Variants in LAMC1 observed in about 807,000 individuals in gnomAD.
LAMC1 encodes the protein laminin subunit gamma-1.
In LAMC1, 38 loss-of-function variants were observed where a neutral mutation model predicts 173.6. The observed-to-expected ratio is 0.22, with a 90% CI of 0.17 to 0.29. The LOEUF is 0.29. Ranked by LOEUF, LAMC1 falls within the 10% of genes least tolerant of loss-of-function variation. The probability of loss-of-function intolerance (pLI) is 1.00; values close to 1 mark genes in which losing one functional copy is unlikely to be tolerated. For synonymous variants in LAMC1, 746 were observed against 749.1 expected (o/e 1.00, Z 0.07); for missense variants, 1,824 against 2,051.8 (o/e 0.89, Z 2.14).
chr1:183,124,540 G>A, intron 13 of LAMC1, 91 bp from the exon 14 acceptor site: 1 of 1,459,538 alleles, frequency 6.9e-7, no homozygotes, highest in Non-Finnish European at 9.4e-7. Flanking sequence ...CTCATGTGAT[G>A]ATTACACTAG....
chr1:183,132,632 T>C (rs1656829127), intron 21 of LAMC1, 95 bp downstream of exon 21: 3 of 921,964 alleles, frequency 3.3e-6, no homozygotes, highest in Non-Finnish European at 5.1e-6. Flanking sequence ...ATTCAGGGCA[T>C]ACATTCATGC....
chr1:183,140,253 A>C (rs1008883549), intron 26 of LAMC1, 151 bp from the exon 27 acceptor site: 1 of 426,542 alleles, frequency 2.3e-6, no homozygotes, highest in African/African-American at 2.0e-5. Flanking sequence ...ACCAAAAAAA[A>C]AAAAAAAAAA....
intron 1 of LAMC1, among the ~76,000 whole-genome samples, chr1:183,092,129 T>C (rs1655581369): frequency 6.6e-6 from 1 of 152,170 alleles, no homozygotes; most frequent in Admixed American, 6.5e-5. Context: ...GTGTGTGTCT[T>C]AAAGAAGACT....
At chr1:183,080,752 G>A (rs1249551234) in intron 1 of LAMC1, among the ~76,000 whole-genome samples, 5 of 151,394 alleles carry the variant, frequency 3.3e-5, no homozygotes, top group African/African-American at 9.7e-5. Flanking sequence ...GTTAGACTGT[G>A]TGGTAAGGTT....
Position 183,130,389 on chromosome 1 carries a change from C to G in LAMC1, c.3326C>G (p.Thr1109Ser). Residue 1109 changes from threonine to serine, a missense_variant, in exon 19 of 28, where the codon ACT becomes AGT. Transcript: ENST00000258341. ...GATCGCCTACAGAGAGTGAATAACACTCTGTCCAGCCAAATTAGCCGTTTA... is the reference window on the plus strand; with the variant it reads ...GATCGCCTACAGAGAGTGAATAACAGTCTGTCCAGCCAAATTAGCCGTTTA... ...LMDRLQRVNN[T>S]LSSQISRLQN... 1.2e-6 allele frequency: 2 copies of G among 1,614,190 alleles called. No individual in the cohort carries two copies. Among genetic ancestry groups the G allele is most frequent in the Non-Finnish European group, 1.7e-6 (2 of 1,180,032 alleles).
intron 13 of LAMC1, among the ~76,000 whole-genome samples, chr1:183,123,063 G>C (rs1656523937): frequency 6.6e-6 from 1 of 152,186 alleles, no homozygotes; most frequent in Admixed American, 6.5e-5. Context: ...ACAAATCCAA[G>C]TTAAATATTT....
rs372861708 is a variant in LAMC1 at position 183,135,269 on chromosome 1, T to C, written c.4114+113T>C. 1,205 of 662,854 alleles carry C rather than the reference T, an allele frequency of 1.8e-3. 22 individuals carry two copies. In the South Asian group the frequency reaches 0.021, roughly 12 times the overall value. 41.1% of individuals were successfully genotyped at this position (662,854 alleles called of 1,614,324 possible). ...TTCATCCCCAACTCCCTACTTTTTT[T>C]ATGCTAAAGTATTTCAAAGGGAAAT... On this transcript the variant is annotated intron_variant, in intron 24 of 27. Coordinates refer to ENST00000258341, the MANE Select transcript of LAMC1 (RefSeq NM_002293.4).
At chr1:183,026,080 A>G (rs1007698019) in intron 1 of LAMC1, among the ~76,000 whole-genome samples, 4 of 152,252 alleles carry the variant, frequency 2.6e-5, no homozygotes, top group Admixed American at 6.5e-5. Context: ...GTTTACCTCT[A>G]ACATCACTTT....
chr1:183,141,423 G>A (rs1243220861), intron 27 of LAMC1: 2 of 152,240 alleles, frequency 1.3e-5, no homozygotes, highest in East Asian at 3.8e-4. Flanking sequence ...TGCCAAAAGA[G>A]AGAAAAACCT....
chr1:183,074,669 A>T (rs1022908839), intron 1 of LAMC1, among the ~76,000 whole-genome samples: 1 of 152,194 alleles, frequency 6.6e-6, no homozygotes, highest in East Asian at 1.9e-4. Flanking sequence ...TCTTTATTCT[A>T]TTATGGGAGA....
chr1:183,103,518 C>T lies in LAMC1; in HGVS notation c.609C>T (p.Ala203=), dbSNP rs1655890553. ...GGACAGGAGGGGACGAGCAGCAGGCCTTGTGTACTGATGAATTCAGTGACA... is the reference window on the plus strand; with the variant it reads ...GGACAGGAGGGGACGAGCAGCAGGCTTTGTGTACTGATGAATTCAGTGACA... ...FIRTGGDEQQ[A]LCTDEFSDIS... The change falls in exon 2 of 28, where the codon GCC becomes GCT. Residue 203 remains alanine (A), a synonymous_variant. Coordinates refer to ENST00000258341, the MANE Select transcript of LAMC1 (RefSeq NM_002293.4). The T allele has an allele frequency of 1.2e-6, 2 of 1,614,156 alleles. No homozygotes were observed. The highest frequency in any genetic ancestry group is 4.5e-5 in the East Asian group (2 of 44,882).
Position 183,127,280 on chromosome 1 carries a change from G to A in LAMC1, c.2999G>A (p.Arg1000His), listed in dbSNP as rs1342885148. 8.1e-6 allele frequency: 13 copies of A among 1,613,996 alleles called. No individual in the cohort carries two copies. Among genetic ancestry groups the A allele is most frequent in the Admixed American group, 5.0e-5 (3 of 60,002 alleles). ...TCACTTCAGTGCAAAGATGATGGTC[G>A]CTGTGAATGCAGAGAAGGCTTTGTG... ...SLSLQCKDDG[R>H]CECREGFVGN... The change falls in exon 17 of 28, where the codon CGC becomes CAC. Residue 1000 changes from arginine to histidine, a missense_variant. Transcript: ENST00000258341.
At chr1:183,067,429 C>T (rs557092080) in intron 1 of LAMC1, among the ~76,000 whole-genome samples, 32 of 152,150 alleles carry the variant, frequency 2.1e-4, no homozygotes, top group African/African-American at 7.0e-4. Flanking sequence ...GTAGTAGTTT[C>T]CTATTGGCTG....
chr1:183,025,268 T>C (rs1183514627), intron 1 of LAMC1, among the ~76,000 whole-genome samples: 1 of 152,168 alleles, frequency 6.6e-6, no homozygotes, highest in Non-Finnish European at 1.5e-5. Context: ...TTGATCATGA[T>C]TTTGCTGCTC....
At chr1:183,133,341 C>G (rs1656850185) in intron 21 of LAMC1, 65 bp from the exon 22 acceptor site, 3 of 1,405,578 alleles carry the variant, frequency 2.1e-6, no homozygotes, top group Non-Finnish European at 2.9e-6. Context: ...TCATGTTAAT[C>G]TGGTTAACAT....
In LAMC1 at chr1:183,125,454, C is replaced by A. The variant is rs376438330; in HGVS notation, c.2705C>A (p.Thr902Lys). Residue 902 changes from threonine to lysine, a missense_variant, in exon 15 of 28, where the codon ACG (threonine) becomes AAG (lysine). By Grantham distance (78) the Thr-to-Lys change is moderately conservative. Transcript: ENST00000258341. Reference protein sequence around the residue: ...MKQQSSCNPVTGQCECLPHVT... With the variant: ...MKQQSSCNPVKGQCECLPHVT... The stretch of plus-strand genomic sequence containing the variant: ...CAGCAGAGCAGCTGTAACCCCGTGA[C>A]GGGGCAGTGTGAATGTTTGCCTCAC... 1.2e-6 allele frequency: 2 copies of A among 1,613,984 alleles called. No individual in the cohort carries two copies. The highest frequency in any genetic ancestry group is 2.2e-5 in the South Asian group (2 of 91,072).
chr1:183,047,812 A>C (rs549344352), intron 1 of LAMC1, among the ~76,000 whole-genome samples: 3 of 152,206 alleles, frequency 2.0e-5, no homozygotes, highest in African/African-American at 7.2e-5. Flanking sequence ...CATTTGTGCT[A>C]TTAAAAAACC....
chr1:183,079,880 G>A (rs1655223527), intron 1 of LAMC1, among the ~76,000 whole-genome samples: 1 of 152,172 alleles, frequency 6.6e-6, no homozygotes, highest in Admixed American at 6.5e-5. Flanking sequence ...TTTTATTACT[G>A]TAGTCGTTTT....
At chr1:183,079,681 T>G (rs1408995624) in intron 1 of LAMC1, among the ~76,000 whole-genome samples, 3 of 152,216 alleles carry the variant, frequency 2.0e-5, no homozygotes, top group African/African-American at 7.2e-5. Flanking sequence ...ATTGAAATTT[T>G]ACATATGATT....
Sources: allele counts gnomAD v4.1 joint callset (sites outside exome capture counted in the v4.1 genomes callset), GRCh38; gene constraint gnomAD v4.1.1; transcripts MANE v1.5; gene names NCBI Gene and HGNC (gene_info 2026-07-23, HGNC 2026-07-21).